The following DNAH1 variants were observed in gnomAD, a reference collection of about 807,000 sequenced individuals.
DNAH1 encodes dynein axonemal heavy chain 1.
DNAH1 carries 327 observed loss-of-function variants against 484.3 expected under a neutral mutation model. That is an observed-to-expected ratio of 0.68 (90% confidence interval 0.62 to 0.74). The LOEUF is 0.74. Among genes scored for constraint, DNAH1 ranks in the 30% least tolerant of loss-of-function variants. DNAH1 has a pLI of 0.00. For synonymous variants in DNAH1, 2,192 were observed against 2,191.9 expected (o/e 1.00, Z 0.00); for missense variants, 5,052 against 5,546.8 (o/e 0.91, Z 2.83).
chr3:52,367,700 A>C (rs1219026491), intron 36 of DNAH1, among the ~76,000 whole-genome samples: 2 of 151,802 alleles, frequency 1.3e-5, no homozygotes, highest in African/African-American at 4.8e-5. Flanking sequence ...CAGCCTCCCG[A>C]GTAGCTGGGA....
At chr3:52,369,450 CCTT>C (rs1460477795) in intron 37 of DNAH1, among the ~76,000 whole-genome samples, 1 of 152,134 alleles carries the variant, frequency 6.6e-6, no homozygotes, top group Non-Finnish European at 1.5e-5. Context: ...GCTCTTGAAT[CCTT>C]CTAAAAGCAA....
At chr3:52,333,015 G>A (rs1034668433) in intron 8 of DNAH1, among the ~76,000 whole-genome samples, 2 of 152,190 alleles carry the variant, frequency 1.3e-5, no homozygotes, top group African/African-American at 2.4e-5. Flanking sequence ...AGCCTCCTGA[G>A]TAGCTGGGAC....
chr3:52,376,944 G>A (rs1259709868), intron 46 of DNAH1, among the ~76,000 whole-genome samples: 1 of 151,962 alleles, frequency 6.6e-6, no homozygotes, highest in Non-Finnish European at 1.5e-5. Context: ...CCTGCCACGG[G>A]CTTCTCTCAG....
chr3:52,358,521 C>G lies in DNAH1; in HGVS notation c.4087-37C>G. 6.4e-7 allele frequency: 1 copy of G among 1,566,136 alleles called. No homozygotes were observed. ...TGGTGGCCAGGGCATCTGGGCACACCAGGGTGACCCCACTCCTGCTCCTCC... is the reference window on the plus strand; with the variant it reads ...TGGTGGCCAGGGCATCTGGGCACACGAGGGTGACCCCACTCCTGCTCCTCC... On this transcript the variant is annotated intron_variant, in intron 24 of 77. Coordinates refer to ENST00000420323, the MANE Select transcript of DNAH1 (RefSeq NM_015512.5). The surrounding 1 kb of genome is among the most constrained non-coding windows in gnomAD (Gnocchi z 4.2).
rs1390372564 is a variant in DNAH1, at chr3:52,352,059, A to G, written c.2827A>G (p.Ile943Val). 3.1e-6 allele frequency: 5 copies of G among 1,588,414 alleles called. No homozygotes were observed. Among genetic ancestry groups the G allele is most frequent in the African/African-American group, 1.3e-5 (1 of 74,428 alleles). ...TGAGGAGAAGTTCCGCAAAATCCAG[A>G]TCATGGATCAGAACAACTTCCAAGA... ...EDEEKFRKIQ[I>V]MDQNNFQEKL... The change falls in exon 17 of 78, where the codon ATC (isoleucine) becomes GTC (valine). Residue 943 changes from isoleucine to valine, a missense_variant. This residue lies in a region of DNAH1 where 1,263 missense variants were observed against 1,218.8 expected (regional missense o/e 1.04). Coordinates refer to ENST00000420323, the MANE Select transcript of DNAH1 (RefSeq NM_015512.5).
At chr3:52,327,852 T>G (rs370790257) in intron 5 of DNAH1, 30 bp from the exon 6 acceptor site, 43 of 1,609,104 alleles carry the variant, frequency 2.7e-5, no homozygotes, top group Admixed American at 1.5e-4. Flanking sequence ...AGGAGCTGCT[T>G]CTTCCCAATG....
At chr3:52,392,170 C>G (rs1391999692) in intron 63 of DNAH1, among the ~76,000 whole-genome samples, 47 of 152,220 alleles carry the variant, frequency 3.1e-4, no homozygotes, top group Admixed American at 3.0e-3. Flanking sequence ...TCACAGCCCC[C>G]ACTTGCCAAG....
intron 1 of DNAH1, among the ~76,000 whole-genome samples, chr3:52,317,027 A>G (rs948393751): frequency 1.3e-5 from 2 of 152,166 alleles, no homozygotes; most frequent in South Asian, 4.1e-4. Flanking sequence ...AGATTCCCTA[A>G]TTGTTATATT....
At position 52,322,496 on chromosome 3, in the gene DNAH1, A is replaced by G; in HGVS notation, c.54A>G (p.Pro18=). 1 of 1,613,514 alleles carries G rather than the reference A, an allele frequency of 6.2e-7. No homozygotes were observed. Residue 18 remains proline, a synonymous_variant, in exon 2 of 78, where the codon CCA becomes CCG. Coordinates refer to ENST00000420323, the MANE Select transcript of DNAH1 (RefSeq NM_015512.5). The part of the protein sequence containing the change: ...GYSLGRTPQG[P]ECSSAPAVQV... ...GCCTGGGAAGGACCCCTCAGGGCCC[A>G]GAGTGCAGCAGTGCTCCTGCAGTCC...
rs149480284 is a variant in DNAH1, at chr3:52,346,537, C to A, written c.1722C>A (p.Arg574=). The part of the protein sequence containing the change: ...SLKVAMRSSL[R]DMSKGWYNLY... ...AGGTGGCCATGCGCAGCAGCCTGCG[C>A]GACATGAGCAAGGGCTGGTACAACC... The change falls in exon 11 of 78, where the codon CGC becomes CGA. Residue 574 remains arginine (R), a synonymous_variant. Transcript: ENST00000420323. The A allele has an allele frequency of 2.2e-5, 36 of 1,613,732 alleles. No homozygotes were observed. Among genetic ancestry groups the A allele is most frequent in the Non-Finnish European group, 3.1e-5 (36 of 1,179,842 alleles).
chr3:52,328,731 T>C (rs1052211470), intron 6 of DNAH1, among the ~76,000 whole-genome samples: 1 of 152,250 alleles, frequency 6.6e-6, no homozygotes, highest in Non-Finnish European at 1.5e-5. Context: ...CAGGTGGGCA[T>C]CCGCAGCTGA....
rs1160969182 is a variant in DNAH1 at position 52,322,527 on chromosome 3, G to A, written c.85G>A (p.Gly29Arg). ...CAGCAGTGCTCCTGCAGTCCAAGTG[G>A]GGACCCACAGGGGCCTAGAGTATAA... is the stretch of plus-strand genomic sequence containing the variant. The part of the protein sequence containing the change: ...ECSSAPAVQV[G>R]THRGLEYNPG... Residue 29 changes from glycine to arginine, a missense_variant, in exon 2 of 78, where the codon GGG (glycine) becomes AGG (arginine). By Grantham distance (125) the Gly-to-Arg change is moderately radical. Transcript: ENST00000420323. 7 of 1,613,626 alleles carry A rather than the reference G, an allele frequency of 4.3e-6. No individual in the cohort carries two copies. The African/African-American group carries it at 6.7e-5, about 15-fold the overall frequency.
Position 52,322,635 on chromosome 3 carries a change from C to T in DNAH1, c.193C>T (p.Pro65Ser), listed in dbSNP as rs780242770. Residue 65 changes from proline to serine, a missense_variant, in exon 2 of 78, where the codon CCC becomes TCC. Pro to Ser is a moderately conservative substitution (Grantham distance 74, BLOSUM62 -1). Coordinates refer to ENST00000420323, the MANE Select transcript of DNAH1 (RefSeq NM_015512.5). ...CCCCAAGCTCCCACATTTACCCCTGCCCCCGGCCCCACCCACACTCTCAGA... is the reference window on the plus strand; with the variant it reads ...CCCCAAGCTCCCACATTTACCCCTGTCCCCGGCCCCACCCACACTCTCAGA... ...LDPKLPHLPL[P>S]PAPPTLSDLG... 3 of 1,613,670 alleles carry T rather than the reference C, an allele frequency of 1.9e-6. No homozygotes were observed. Among genetic ancestry groups the T allele is most frequent in the South Asian group, 1.1e-5 (1 of 91,060 alleles).
chr3:52,366,367 C>A, intron 34 of DNAH1, 90 bp from the exon 35 acceptor site: 5 of 999,768 alleles, frequency 5.0e-6, no homozygotes, highest in Non-Finnish European at 6.0e-6. Context: ...TCAGGGAGTG[C>A]AGTGACTCAC....
intron 44 of DNAH1, chr3:52,374,137 C>G (rs1703480132): frequency 8.3e-7 from 1 of 1,208,640 alleles, no homozygotes. Context: ...ATGGGAAATT[C>G]CTAGGCTTGA....
intron 9 of DNAH1, 127 bp from the exon 10 acceptor site, chr3:52,345,368 A>G: frequency 7.8e-6 from 6 of 774,012 alleles, no homozygotes; most frequent in Non-Finnish European, 1.3e-5. Flanking sequence ...GGGCTCTGGG[A>G]ACGCCAGTCA....
At chr3:52,378,580 G>A (rs1703703985) in intron 46 of DNAH1, 22 bp from the exon 47 acceptor site, 1 of 1,611,950 alleles carries the variant, frequency 6.2e-7, no homozygotes, top group East Asian at 2.2e-5. Context: ...ATGTGACCCA[G>A]GCCATTCTCC....
rs775049062 is a variant in DNAH1, at chr3:52,393,020, G to C, written c.10469G>C (p.Arg3490Thr). Residue 3490 changes from arginine (R) to threonine (T), a missense_variant, in exon 65 of 78, where the codon AGA becomes ACA. By Grantham distance (71) the Arg-to-Thr change is moderately conservative. Coordinates refer to ENST00000420323, the MANE Select transcript of DNAH1 (RefSeq NM_015512.5). ...IFLSGIANSERADNLKKRISN... is the reference protein window; with the variant it reads ...IFLSGIANSETADNLKKRISN... Reference sequence around the variant, plus strand: ...CTCTCGGGCATCGCCAACTCAGAGAGAGCAGGTAGCACCGGCATGCCAGGC... The same window carrying C: ...CTCTCGGGCATCGCCAACTCAGAGACAGCAGGTAGCACCGGCATGCCAGGC... 9 of 1,612,930 alleles carry C rather than the reference G, an allele frequency of 5.6e-6. No individual in the cohort carries two copies. The highest frequency in any genetic ancestry group is 3.3e-5 in the South Asian group (3 of 91,038).
In DNAH1 at chr3:52,381,193, T is replaced by C. The variant is rs1703828602; in HGVS notation, c.7609-447T>C. ...TTGGCTTACTGCAGCCTCTACCTCA[T>C]GGGCTCTATCAGTCGTCCCACCTCA... On this transcript the variant is annotated intron_variant, in intron 48 of 77. Transcript: ENST00000420323. This position sits in a 1 kb window ranked among gnomAD's most constrained non-coding sequence, Gnocchi z 4.1. Among the ~76,000 whole-genome samples, 1 of 152,120 alleles carries C rather than the reference T, an allele frequency of 6.6e-6. No individual in the cohort carries two copies.
Sources: allele counts gnomAD v4.1 joint callset (sites outside exome capture counted in the v4.1 genomes callset), GRCh38; gene constraint gnomAD v4.1.1; regional missense constraint gnomAD v4.1.1; non-coding constraint Gnocchi (gnomAD v3.1); transcripts MANE v1.5; gene names NCBI Gene and HGNC (gene_info 2026-07-23, HGNC 2026-07-21).